The following EPHA3 variants were observed in gnomAD, a reference collection of about 807,000 sequenced individuals.
EPHA3 encodes the protein EPH receptor A3.
In EPHA3, 42 loss-of-function variants were observed where a neutral mutation model predicts 107.1. The observed-to-expected ratio is 0.39, with a 90% CI of 0.31 to 0.51. The LOEUF (loss-of-function observed/expected upper bound fraction) is 0.51, where lower values mean the gene tolerates loss of function less well. EPHA3 is among the 20% of genes least tolerant of loss of function. EPHA3 has a pLI of 0.78. For missense variants in EPHA3, 1,183 were observed against 1,211.2 expected (o/e 0.98, Z 0.35); for synonymous variants, 461 against 424.8 (o/e 1.09, Z -1.05).
rs201083429 is a variant in EPHA3 at position 89,480,648 on chromosome 3, G to C, written c.*1146G>C. On this transcript the variant is annotated 3_prime_UTR_variant, in exon 17 of 17. Coordinates refer to ENST00000336596, the MANE Select transcript of EPHA3 (RefSeq NM_005233.6). ...AAAAAAAACAATTACTGGCTCACTGGCTTTGAAAAGTCACTTACTATTGTT... is the reference window on the plus strand; with the variant it reads ...AAAAAAAACAATTACTGGCTCACTGCCTTTGAAAAGTCACTTACTATTGTT... The C allele has an allele frequency of 1.2e-4, 29 of 232,616 alleles. 1 individual carries two copies. The East Asian group carries it at 1.4e-3, about 11-fold the overall frequency. 14.4% of individuals were successfully genotyped at this position (232,616 alleles called of 1,614,324 possible). A position where few individuals can be genotyped will look rare whatever the true frequency, so the allele number is the denominator to read the frequency against.
chr3:89,419,151 T>A, intron 10 of EPHA3, 54 bp from the exon 11 acceptor site: 1 of 1,501,086 alleles, frequency 6.7e-7, no homozygotes. Flanking sequence ...TCTCTACTGA[T>A]GAATTTTTAT....
intron 13 of EPHA3, among the ~76,000 whole-genome samples, chr3:89,435,458 A>T (rs1416278651): frequency 1.4e-5 from 2 of 144,992 alleles, no homozygotes; most frequent in Non-Finnish European, 3.0e-5. Context: ...TATATATATA[A>T]ATATATATTT....
chr3:89,375,278 A>G (rs1429068922), intron 5 of EPHA3, among the ~76,000 whole-genome samples: 1 of 151,888 alleles, frequency 6.6e-6, no homozygotes, highest in Non-Finnish European at 1.5e-5. Context: ...CTAAGTATTT[A>G]CAATGATGCA....
chr3:89,151,810 G>T (rs1280739185), intron 2 of EPHA3, among the ~76,000 whole-genome samples: 1 of 151,906 alleles, frequency 6.6e-6, no homozygotes, highest in Non-Finnish European at 1.5e-5. Flanking sequence ...TAAAAGCATA[G>T]AATTTAAATA....
intron 16 of EPHA3, among the ~76,000 whole-genome samples, chr3:89,476,174 A>ATCT (rs1710502989): frequency 1.4e-5 from 2 of 147,044 alleles, no homozygotes; most frequent in Admixed American, 1.4e-4. Context: ...TATTGTAGAT[A>ATCT]ACATATATAA....
At chr3:89,304,025 T>G (rs1381465306) in intron 3 of EPHA3, among the ~76,000 whole-genome samples, 9 of 152,108 alleles carry the variant, frequency 5.9e-5, no homozygotes, top group African/African-American at 2.2e-4. Context: ...TTAGACCATT[T>G]TCTTCTACAC....
intron 5 of EPHA3, among the ~76,000 whole-genome samples, chr3:89,391,470 G>GA (rs377296865): frequency 0.028 from 3,970 of 142,176 alleles, 189 homozygotes; most frequent in African/African-American, 0.1. Context: ...ACCCAGGCTG[G>GA]GTGCAGTGGC....
At chr3:89,382,377 G>A (rs745932766) in intron 5 of EPHA3, among the ~76,000 whole-genome samples, 2 of 151,736 alleles carry the variant, frequency 1.3e-5, no homozygotes, top group Non-Finnish European at 2.9e-5. Flanking sequence ...GCATGGTGGT[G>A]GGAACCTGTA....
At chr3:89,467,178 C>T (rs1299465248) in intron 15 of EPHA3, among the ~76,000 whole-genome samples, 2 of 151,972 alleles carry the variant, frequency 1.3e-5, no homozygotes, top group South Asian at 2.1e-4. Context: ...TAAGATTTTC[C>T]CCCTGAAATA....
chr3:89,130,287 A>G (rs1704178252), intron 2 of EPHA3, among the ~76,000 whole-genome samples: 1 of 152,218 alleles, frequency 6.6e-6, no homozygotes, highest in East Asian at 1.9e-4. Context: ...ATAGCATTCC[A>G]TCAGGAAATG....
intron 3 of EPHA3, among the ~76,000 whole-genome samples, chr3:89,223,205 T>C (rs555642994): frequency 2.6e-5 from 4 of 152,254 alleles, no homozygotes; most frequent in South Asian, 4.1e-4. Flanking sequence ...CTTACGATCA[T>C]TCCCAGTAAA....
rs572725369 is a variant in EPHA3 at position 89,243,378 on chromosome 3, A to G, written c.814+32858A>G. 9.7e-4 allele frequency among the ~76,000 whole-genome samples: 147 copies of G among 152,294 alleles called. 1 individual carries two copies. Among genetic ancestry groups the G allele is most frequent in the Non-Finnish European group, 1.7e-3 (113 of 68,014 alleles). ...TAGTTTACAGTCCCACCAACAGTGT[A>G]AAAGTGTTCCTATTTCTCCACATCC... On this transcript the variant is annotated intron_variant, in intron 3 of 16. Coordinates refer to ENST00000336596, the MANE Select transcript of EPHA3 (RefSeq NM_005233.6).
At chr3:89,353,033 AT>A (rs1707866540) in intron 5 of EPHA3, among the ~76,000 whole-genome samples, 2 of 150,408 alleles carry the variant, frequency 1.3e-5, no homozygotes, top group South Asian at 4.2e-4. Context: ...TAGCCACCTT[AT>A]TTTTCTTTTG....
chr3:89,466,689 TCGCGCACGGTG>T (rs1280584026), intron 15 of EPHA3, among the ~76,000 whole-genome samples: 2 of 131,970 alleles, frequency 1.5e-5, no homozygotes, highest in East Asian at 4.1e-4. Flanking sequence ...CTGCTTCGGC[TCGCGCACGGTG>T]CGCACACACA....
chr3:89,140,775 T>C (rs965723660), intron 2 of EPHA3, among the ~76,000 whole-genome samples: 1 of 151,696 alleles, frequency 6.6e-6, no homozygotes, highest in Non-Finnish European at 1.5e-5. Context: ...AAATTCTTAA[T>C]AGTTTATGTA....
chr3:89,450,146 C>G (rs376442628), intron 14 of EPHA3, 31 bp from the exon 15 acceptor site: 1 of 1,525,228 alleles, frequency 6.6e-7, no homozygotes, highest in Non-Finnish European at 8.8e-7. Context: ...TGAAAACTTC[C>G]TGGTTCCTGA....
At chr3:89,458,665 C>T (rs1710150563) in intron 15 of EPHA3, among the ~76,000 whole-genome samples, 1 of 152,192 alleles carries the variant, frequency 6.6e-6, no homozygotes, top group Non-Finnish European at 1.5e-5. Flanking sequence ...TATTTCTCTG[C>T]ATCTTCGCTG....
At chr3:89,214,422 T>G (rs1704177692) in intron 3 of EPHA3, among the ~76,000 whole-genome samples, 1 of 152,056 alleles carries the variant, frequency 6.6e-6, no homozygotes, top group South Asian at 2.1e-4. Flanking sequence ...TTCAATACAT[T>G]TTAGAACATT....
chr3:89,371,524 T>G (rs1708302691), intron 5 of EPHA3, among the ~76,000 whole-genome samples: 1 of 151,664 alleles, frequency 6.6e-6, no homozygotes, highest in Admixed American at 6.6e-5. Flanking sequence ...GCTGGTTTAT[T>G]TGTATTCCTT....
Sources: allele counts gnomAD v4.1 joint callset (sites outside exome capture counted in the v4.1 genomes callset), GRCh38; gene constraint gnomAD v4.1.1; transcripts MANE v1.5; gene names NCBI Gene and HGNC (gene_info 2026-07-23, HGNC 2026-07-21).